Variants in CRIP2 observed in about 807,000 individuals in gnomAD.
The protein encoded by CRIP2 is cysteine rich protein 2, also known as cysteine-rich protein 2.
A neutral mutation model predicts 31.3 loss-of-function variants in CRIP2; 31 were observed. The ratio of observed to expected loss-of-function variants is 0.99; its 90% CI spans 0.74 to 1.34. The LOEUF (loss-of-function observed/expected upper bound fraction) is 1.34, where lower values mean the gene tolerates loss of function less well. CRIP2 is among the 40% of genes most tolerant of loss of function. The pLI is 0.00. For missense variants in CRIP2, 389 were observed against 301.6 expected, an observed-to-expected ratio of 1.29 and a Z score of -2.15; for synonymous variants, 177 against 127.2, an observed-to-expected ratio of 1.39 and a Z score of -2.63.
intron 6 of CRIP2, 36 bp from the exon 7 acceptor site, chr14:105,479,400 G>A (rs1315350882): frequency 6.2e-7 from 1 of 1,610,656 alleles, no homozygotes; most frequent in Non-Finnish European, 8.5e-7. Flanking sequence ...GGGGGAGTCT[G>A]TGGACTCCTC....
rs2084005391 is a variant in CRIP2, at chr14:105,478,524, C to G, written c.196+17C>G. On this transcript the variant is annotated intron_variant, in intron 3 of 7. Coordinates refer to ENST00000329146, the MANE Select transcript of CRIP2 (RefSeq NM_001312.4). The surrounding 1 kb of genome is among the most constrained non-coding windows in gnomAD (Gnocchi z 4.9). ...GACCCAAAGGTGAGCTCCGGCTGCC[C>G]TCGGCCTGCCCTGGGACCTGCTGGG... 7 of 1,604,858 alleles carry G rather than the reference C, an allele frequency of 4.4e-6. No homozygotes were observed. The highest frequency in any genetic ancestry group is 8.5e-7 in the Non-Finnish European group (1 of 1,177,208).
chr14:105,474,707 CA>C, upstream of CRIP2: 1 of 973,500 alleles, frequency 1.0e-6, no homozygotes, highest in Non-Finnish European at 1.2e-6. The surrounding 1 kb of genome is among the most constrained non-coding windows in gnomAD (Gnocchi z 5.1). Flanking sequence ...GCGGCGCCCC[CA>C]GGCGGCCCCC....
rs1269558116 is a variant in CRIP2 at position 105,478,143 on chromosome 14, G to T, written c.44-123G>T. ...AGGGCCCGCCAGGTGGAAGGAAGGCGCCTGGGAGACCTCCTGAAAGTGGGG... is the reference window on the plus strand; with the variant it reads ...AGGGCCCGCCAGGTGGAAGGAAGGCTCCTGGGAGACCTCCTGAAAGTGGGG... On this transcript the variant is annotated intron_variant, in intron 1 of 7. Transcript: ENST00000329146. The surrounding 1 kb of genome is among the most constrained non-coding windows in gnomAD (Gnocchi z 4.9). The T allele has an allele frequency of 1.7e-5, 12 of 724,482 alleles. No homozygotes were observed. The South Asian group carries it at 2.0e-4, about 12-fold the overall frequency. 44.9% of individuals were successfully genotyped at this position (724,482 alleles called of 1,614,324 possible).
intron 1 of CRIP2, chr14:105,475,816 T>A: frequency 1.0e-6 from 1 of 985,388 alleles, no homozygotes. Context: ...GTAAGGTCCC[T>A]GCCCACCTAC....
Position 105,474,898 on chromosome 14 carries a change from G to C in CRIP2, c.36G>C (p.Val12=). 2 of 1,521,438 alleles carry C rather than the reference G, an allele frequency of 1.3e-6. No individual in the cohort carries two copies. Among genetic ancestry groups the C allele is most frequent in the Non-Finnish European group, 1.8e-6 (2 of 1,135,256 alleles). 94.2% of individuals were successfully genotyped at this position (1,521,438 alleles called of 1,614,324 possible). ...AATGCCCCAAGTGCGACAAGACCGT[G>C]TACTTCGGTGAGTGCGTGCCCGCTC... ...ASKCPKCDKT[V]YFAEKVSSLG... Residue 12 remains valine, a synonymous_variant, in exon 1 of 8, where the codon GTG becomes GTC. Coordinates refer to ENST00000329146, the MANE Select transcript of CRIP2 (RefSeq NM_001312.4). This position sits in a 1 kb window ranked among gnomAD's most constrained non-coding sequence, Gnocchi z 5.1.
intron 1 of CRIP2, chr14:105,476,874 GC>G (rs1402761907): frequency 1.4e-5 from 9 of 665,788 alleles, no homozygotes; most frequent in Non-Finnish European, 1.7e-5. Flanking sequence ...GCCACGGAGA[GC>G]CAGTATTCAC....
Position 105,479,761 on chromosome 14 carries a change from GC to G in CRIP2, c.*111del. 7.9e-7 allele frequency: 1 copy of G among 1,260,552 alleles called. No individual in the cohort carries two copies. The highest frequency in any genetic ancestry group is 1.3e-5 in the South Asian group (1 of 76,406). The allele number at this position is 1,260,552 out of a possible 1,614,324, so 78.1% of individuals were successfully genotyped here. A position where few individuals can be genotyped will look rare whatever the true frequency, so the allele number is the denominator to read the frequency against. ...CTCAGCCGCCCAGTCCTGCCTGCAA[GC>G]CCAGGGCGAGTATTGGAGGAGGGGC... is the stretch of plus-strand genomic sequence containing the variant. On this transcript the variant is annotated 3_prime_UTR_variant, in exon 8 of 8. Coordinates refer to ENST00000329146, the MANE Select transcript of CRIP2 (RefSeq NM_001312.4).
At chr14:105,475,997 A>G (rs2083924913) in intron 1 of CRIP2, 11 of 985,320 alleles carry the variant, frequency 1.1e-5, no homozygotes, top group Non-Finnish European at 1.3e-5. Context: ...GGGAGGTTGT[A>G]TTTTGCCCGT....
At position 105,478,567 on chromosome 14, in the gene CRIP2, G is replaced by T. The variant is rs782176202; in HGVS notation, c.196+60G>T. ...CTGCTGGGAGGGGCGTGGCGCTGGC[G>T]CTGGGGAGGGCTGGGGGTCCCGGCC... On this transcript the variant is annotated intron_variant, in intron 3 of 7. Coordinates refer to ENST00000329146, the MANE Select transcript of CRIP2 (RefSeq NM_001312.4). This position sits in a 1 kb window ranked among gnomAD's most constrained non-coding sequence, Gnocchi z 4.9. 5.1e-6 allele frequency: 8 copies of T among 1,553,942 alleles called. No individual in the cohort carries two copies. The South Asian group carries it at 9.4e-5, about 18-fold the overall frequency.
upstream of CRIP2, chr14:105,473,360 T>C (rs782099628): frequency 6.5e-7 from 1 of 1,535,252 alleles, no homozygotes; most frequent in South Asian, 1.2e-5. Flanking sequence ...TGGCCTGCTG[T>C]CACCATGGAA....
chr14:105,479,080 C>A lies in CRIP2; in HGVS notation c.406+33C>A, dbSNP rs782592903. The A allele has an allele frequency of 1.1e-5, 18 of 1,584,216 alleles. No homozygotes were observed. The African/African-American group carries it at 2.1e-4, about 19-fold the overall frequency. On this transcript the variant is annotated intron_variant, in intron 5 of 7. Transcript: ENST00000329146. ...CGCGCCCGGGCCCCGGACCCCCGCC[C>A]CCGCCCCCGCCCCGGGGCTCGGCCT...
At chr14:105,479,075 C>T (rs782636932) in intron 5 of CRIP2, 28 bp downstream of exon 5, 2 of 1,567,844 alleles carry the variant, frequency 1.3e-6, no homozygotes, top group Non-Finnish European at 1.7e-6. Context: ...CCCCGGACCC[C>T]CGCCCCCGCC....
At chr14:105,474,691 G>T (rs2083894024), upstream of CRIP2, 3 of 852,918 alleles carry the variant, frequency 3.5e-6, no homozygotes, top group Non-Finnish European at 4.2e-6. This position sits in a 1 kb window ranked among gnomAD's most constrained non-coding sequence, Gnocchi z 5.1. Flanking sequence ...GGTGCGCCCC[G>T]CCCCCGCGGC....
At position 105,479,118 on chromosome 14, in the gene CRIP2, T is replaced by A. The variant is rs2084027182; in HGVS notation, c.407-7T>A. On this transcript the variant is annotated splice_polypyrimidine_tract_variant and splice_region_variant and intron_variant, in intron 5 of 7. Coordinates refer to ENST00000329146, the MANE Select transcript of CRIP2 (RefSeq NM_001312.4). ...CGGGGCTCGGCCTCACTCCTCCCCC[T>A]TTCCAGCTGAGAAGGTGACGTCTCT... 30 of 1,607,546 alleles carry A rather than the reference T, an allele frequency of 1.9e-5. No individual in the cohort carries two copies. Among genetic ancestry groups the A allele is most frequent in the Non-Finnish European group, 2.5e-5 (29 of 1,176,052 alleles).
At chr14:105,473,623 C>G (rs1555435197), upstream of CRIP2, 2 of 1,326,774 alleles carry the variant, frequency 1.5e-6, no homozygotes, top group African/African-American at 2.9e-5. Flanking sequence ...GCCTGTCTCC[C>G]AGGCCGACGC....
upstream of CRIP2, chr14:105,474,258 G>A (rs1329348104): frequency 6.6e-6 from 1 of 151,736 alleles, no homozygotes; most frequent in Admixed American, 6.5e-5. The surrounding 1 kb of genome is among the most constrained non-coding windows in gnomAD (Gnocchi z 5.1). Flanking sequence ...GACCCGGACA[G>A]GGCTGGGGGC....
chr14:105,476,187 A>C, intron 1 of CRIP2: 1 of 985,420 alleles, frequency 1.0e-6, no homozygotes, highest in Non-Finnish European at 1.2e-6. Flanking sequence ...CCAACTGCCC[A>C]TGACTTTACC....
At chr14:105,476,628 A>G (rs1359123774) in intron 1 of CRIP2, 1 of 985,408 alleles carries the variant, frequency 1.0e-6, no homozygotes, top group Non-Finnish European at 1.2e-6. Context: ...AGAGCTGGCC[A>G]GAGCACAGTG....
At position 105,479,107 on chromosome 14, in the gene CRIP2, A is replaced by T; in HGVS notation, c.407-18A>T. 1 of 1,606,722 alleles carries T rather than the reference A, an allele frequency of 6.2e-7. No homozygotes were observed. Among genetic ancestry groups the T allele is most frequent in the Non-Finnish European group, 8.5e-7 (1 of 1,176,772 alleles). ...CGCCCCCGCCCCGGGGCTCGGCCTC[A>T]CTCCTCCCCCTTTCCAGCTGAGAAG... On this transcript the variant is annotated intron_variant, in intron 5 of 7. Transcript: ENST00000329146.
Sources: gnomAD v4.1 joint callset for allele counts on GRCh38, gnomAD v4.1.1 for gene constraint, Gnocchi (gnomAD v3.1) non-coding constraint, MANE v1.5 for transcripts, NCBI Gene and HGNC (gene_info 2026-07-23, HGNC 2026-07-21) for gene names.